Variants in SLC25A21 observed in about 807,000 individuals in gnomAD.
SLC25A21 encodes mitochondrial 2-oxodicarboxylate carrier.
A neutral mutation model predicts 43.8 loss-of-function variants in SLC25A21; 47 were observed. The observed-to-expected ratio is 1.07, with a 90% CI of 0.85 to 1.37. The LOEUF (loss-of-function observed/expected upper bound fraction) is 1.37. Ranked by LOEUF, SLC25A21 falls within the 40% of genes most tolerant of loss-of-function variation. SLC25A21 has a pLI of 0.00. For synonymous variants in SLC25A21, 131 were observed against 121.3 expected (o/e 1.08, Z -0.52); for missense variants, 352 against 350.2 (o/e 1.00, Z -0.04).
chr14:36,717,602 A>G (rs1884198535), intron 6 of SLC25A21, among the ~76,000 whole-genome samples: 1 of 152,228 alleles, frequency 6.6e-6, no homozygotes, highest in Non-Finnish European at 1.5e-5. Context: ...GGAGGAAGAA[A>G]GGTGACAGTG....
Position 36,905,619 on chromosome 14 carries a change from G to A in SLC25A21, c.71-30615C>T, listed in dbSNP as rs1384699988. On this transcript the variant is annotated intron_variant, in intron 1 of 9. Transcript: ENST00000331299. ...CGACTGTCACTTGATTACCCCGAAG[G>A]GATTTTTTTTTTTGTCTTTAAAATT... is the stretch of plus-strand genomic sequence containing the variant. Among the ~76,000 whole-genome samples the A allele has an allele frequency of 2.0e-5, 3 of 151,724 alleles. No homozygotes were observed. In the East Asian group the frequency reaches 5.8e-4, roughly 29 times the overall value.
intron 1 of SLC25A21, among the ~76,000 whole-genome samples, chr14:37,013,542 G>A (rs1960779110): frequency 6.6e-6 from 1 of 152,086 alleles, no homozygotes; most frequent in Non-Finnish European, 1.5e-5. Flanking sequence ...TAATATATAA[G>A]TAACACAAAT....
chr14:37,092,398 T>C (rs908122623), intron 1 of SLC25A21, among the ~76,000 whole-genome samples: 1 of 152,206 alleles, frequency 6.6e-6, no homozygotes, highest in Non-Finnish European at 1.5e-5. Context: ...TTATTTGCTG[T>C]AGTGGACAGT....
At chr14:37,097,300 C>T (rs1193200189) in intron 1 of SLC25A21, 3 of 152,112 alleles carry the variant, frequency 2.0e-5, no homozygotes, top group South Asian at 4.2e-4. Context: ...AGCATTTCGC[C>T]ATGTTACCCA....
chr14:37,128,538 C>CTGTGTGTGTGTGTGTGTGTG (rs367948974), intron 1 of SLC25A21, among the ~76,000 whole-genome samples: 12 of 122,794 alleles, frequency 9.8e-5, no homozygotes, highest in South Asian at 5.9e-4. Context: ...CTCTCTCTCT[C>CTGTGTGTGTGTGTGTGTGTG]TGTGTGTGTG....
chr14:37,069,426 T>C (rs1481558506), intron 1 of SLC25A21, among the ~76,000 whole-genome samples: 1 of 152,184 alleles, frequency 6.6e-6, no homozygotes, highest in Non-Finnish European at 1.5e-5. Flanking sequence ...TGTACAAATA[T>C]GTGTTTAGGA....
At chr14:37,041,316 G>T (rs1961466487) in intron 1 of SLC25A21, among the ~76,000 whole-genome samples, 1 of 152,086 alleles carries the variant, frequency 6.6e-6, no homozygotes, top group African/African-American at 2.4e-5. Context: ...TAATCAATCT[G>T]TATCTATAAT....
At chr14:37,068,646 C>T (rs1962109616) in intron 1 of SLC25A21, among the ~76,000 whole-genome samples, 1 of 152,098 alleles carries the variant, frequency 6.6e-6, no homozygotes, top group African/African-American at 2.4e-5. Flanking sequence ...TTGCTAGATG[C>T]TAATAATTCA....
At chr14:36,756,585 A>C (rs1885938569) in intron 3 of SLC25A21, among the ~76,000 whole-genome samples, 1 of 152,136 alleles carries the variant, frequency 6.6e-6, no homozygotes, top group Non-Finnish European at 1.5e-5. Context: ...GTCACTGCCT[A>C]CCCATTTCCC....
At chr14:36,944,048 C>A (rs990478784) in intron 1 of SLC25A21, among the ~76,000 whole-genome samples, 2 of 152,114 alleles carry the variant, frequency 1.3e-5, no homozygotes, top group Non-Finnish European at 2.9e-5. Flanking sequence ...CCTCTGAAAT[C>A]CCAAATTCAT....
At chr14:37,005,343 G>A (rs1359611632) in intron 1 of SLC25A21, among the ~76,000 whole-genome samples, 1 of 152,028 alleles carries the variant, frequency 6.6e-6, no homozygotes, top group Non-Finnish European at 1.5e-5. Flanking sequence ...ACCTCCTCCT[G>A]TTTTTGGTTC....
intron 2 of SLC25A21, among the ~76,000 whole-genome samples, chr14:36,842,539 A>G (rs74047026): frequency 0.017 from 2,621 of 152,304 alleles, 72 homozygotes; most frequent in African/African-American, 0.058. Context: ...TGGGTCTCAA[A>G]TGATACTACA....
At chr14:37,150,790 A>G (rs2138933751) in intron 1 of SLC25A21, among the ~76,000 whole-genome samples, 1 of 152,278 alleles carries the variant, frequency 6.6e-6, no homozygotes, top group Admixed American at 6.5e-5. Flanking sequence ...GCTCCAAAAT[A>G]ATGCTGCTCA....
At position 37,138,576 on chromosome 14, in the gene SLC25A21, T is replaced by C. The variant is rs144627100; in HGVS notation, c.70+33705A>G. Among the ~76,000 whole-genome samples, 943 of 152,234 alleles carry C rather than the reference T, an allele frequency of 6.2e-3. 6 individuals carry two copies. Among genetic ancestry groups the C allele is most frequent in the African/African-American group, 0.019 (810 of 41,574 alleles). On this transcript the variant is annotated intron_variant, in intron 1 of 9. Coordinates refer to ENST00000331299, the MANE Select transcript of SLC25A21 (RefSeq NM_030631.4). ...TATAGCTCTGCCTTAAATTCATTTG[T>C]TCATATACATTAATTTATTGTCTTT...
At chr14:37,049,111 C>T (rs1457492620) in intron 1 of SLC25A21, among the ~76,000 whole-genome samples, 1 of 152,050 alleles carries the variant, frequency 6.6e-6, no homozygotes, top group Non-Finnish European at 1.5e-5. Context: ...TATGAAGCAG[C>T]CAGAGTTAAG....
chr14:36,709,089 C>G (rs1883715830), intron 7 of SLC25A21, among the ~76,000 whole-genome samples: 2 of 151,686 alleles, frequency 1.3e-5, no homozygotes, highest in Admixed American at 1.3e-4. Context: ...CTCACTGCAG[C>G]CTCCACCTCC....
intron 4 of SLC25A21, among the ~76,000 whole-genome samples, chr14:36,730,989 T>TC (rs1491356634): frequency 6.6e-6 from 1 of 151,178 alleles, no homozygotes; most frequent in African/African-American, 2.4e-5. Context: ...TTTTTTTTTT[T>TC]CGAGATGGAG....
At chr14:36,732,989 A>G (rs1884890262) in intron 4 of SLC25A21, among the ~76,000 whole-genome samples, 1 of 152,218 alleles carries the variant, frequency 6.6e-6, no homozygotes, top group East Asian at 1.9e-4. Flanking sequence ...TCTGGCACAG[A>G]ACATTGCTTT....
At chr14:36,984,546 AATATT>A (rs894751089) in intron 1 of SLC25A21, among the ~76,000 whole-genome samples, 20 of 142,432 alleles carry the variant, frequency 1.4e-4, no homozygotes, top group South Asian at 1.4e-3. Context: ...TGCTTGTTTA[AATATT>A]TTATAATATT....
Sources: allele counts gnomAD v4.1 joint callset (sites outside exome capture counted in the v4.1 genomes callset), GRCh38; gene constraint gnomAD v4.1.1; transcripts MANE v1.5; gene names NCBI Gene and HGNC (gene_info 2026-07-23, HGNC 2026-07-21).